The following GMNN variants were observed in gnomAD, a reference collection of about 807,000 sequenced individuals.
The protein encoded by GMNN is geminin DNA replication inhibitor, also known as geminin.
GMNN carries 14 observed loss-of-function variants against 20.9 expected under a neutral mutation model. The observed-to-expected ratio is 0.67, with a 90% CI of 0.44 to 1.05. The LOEUF (loss-of-function observed/expected upper bound fraction) is 1.05, where lower values mean the gene tolerates loss of function less well. Ranked by LOEUF, GMNN falls within the 50% of genes least tolerant of loss-of-function variation. The pLI is 0.00. For synonymous variants in GMNN, 81 were observed against 85.8 expected, an observed-to-expected ratio of 0.94 and a Z score of 0.31; for missense variants, 227 against 243.8, an observed-to-expected ratio of 0.93 and a Z score of 0.46.
rs769709120 is a variant in GMNN, at chr6:24,784,142, G to A, written c.330G>A (p.Leu110=). 6 of 1,526,140 alleles carry A rather than the reference G, an allele frequency of 3.9e-6. No homozygotes were observed. The highest frequency in any genetic ancestry group is 1.7e-5 in the Admixed American group (1 of 59,804). The allele number at this position is 1,526,140 out of a possible 1,614,324, so 94.5% of individuals were successfully genotyped here. A position where few individuals can be genotyped will look rare whatever the true frequency, so the allele number is the denominator to read the frequency against. The change falls in exon 5 of 7, where the codon CTG becomes CTA. Residue 110 remains leucine, a synonymous_variant. Coordinates refer to ENST00000230056, the MANE Select transcript of GMNN (RefSeq NM_015895.5). ...TGGCAGAAAAACGGAGAAAGGCGCT[G>A]TATGAAGCACTTAAGGAAAATGAGA... ...KEVAEKRRKA[L]YEALKENEKL...
At chr6:24,779,162 T>G (rs916731325) in intron 2 of GMNN, among the ~76,000 whole-genome samples, 1 of 152,188 alleles carries the variant, frequency 6.6e-6, no homozygotes, top group African/African-American at 2.4e-5. Flanking sequence ...TGAATTTTTT[T>G]GGGGAGAGGA....
chr6:24,780,892 G>A (rs1287249591), intron 3 of GMNN, 152 bp downstream of exon 3: 6 of 593,698 alleles, frequency 1.0e-5, no homozygotes, highest in African/African-American at 7.5e-5. Flanking sequence ...AAGTGATTTT[G>A]GTTTTAATTG....
chr6:24,779,588 G>A (rs1183687622), intron 2 of GMNN, among the ~76,000 whole-genome samples: 3 of 152,294 alleles, frequency 2.0e-5, no homozygotes, highest in South Asian at 4.1e-4. Flanking sequence ...ATAATCAGCA[G>A]TAGAAACTTT....
chr6:24,783,165 T>G (rs527376022), intron 4 of GMNN, among the ~76,000 whole-genome samples: 2 of 152,138 alleles, frequency 1.3e-5, no homozygotes, highest in African/African-American at 2.4e-5. Flanking sequence ...GTGGACATGT[T>G]GAAAGAACAC....
intron 2 of GMNN, among the ~76,000 whole-genome samples, chr6:24,779,657 C>A (rs1780153920): frequency 6.6e-6 from 1 of 152,200 alleles, no homozygotes; most frequent in African/African-American, 2.4e-5. Flanking sequence ...GTAACTTTCT[C>A]ACGCTGGTAT....
chr6:24,777,425 A>G, intron 2 of GMNN, 128 bp downstream of exon 2: 1 of 433,844 alleles, frequency 2.3e-6, no homozygotes, highest in Non-Finnish European at 4.1e-6. Context: ...AGGATGAGTA[A>G]CAATAGAGAA....
intron 2 of GMNN, 45 bp downstream of exon 2, chr6:24,777,342 G>A (rs1159112398): frequency 2.8e-6 from 2 of 710,640 alleles, no homozygotes; most frequent in Non-Finnish European, 2.3e-6. Flanking sequence ...GAAAGCATGG[G>A]GCTAAAAGTA....
In GMNN at chr6:24,785,336, G is replaced by A. The variant is rs575786068; in HGVS notation, c.469-302G>A. Among the ~76,000 whole-genome samples, 132 of 152,174 alleles carry A rather than the reference G, an allele frequency of 8.7e-4. 1 individual carries two copies. The highest frequency in any genetic ancestry group is 3.4e-3 in the Middle Eastern group (1 of 294). On this transcript the variant is annotated intron_variant, in intron 6 of 6. Coordinates refer to ENST00000230056, the MANE Select transcript of GMNN (RefSeq NM_015895.5). ...TAAAAGAATTAGTCCACAGCTGATTGGAAATGTAGAACACCTACTTGTCCT... is the reference window on the plus strand; with the variant it reads ...TAAAAGAATTAGTCCACAGCTGATTAGAAATGTAGAACACCTACTTGTCCT...
intron 3 of GMNN, 48 bp downstream of exon 3, chr6:24,780,788 A>G (rs772830325): frequency 5.8e-6 from 5 of 857,336 alleles, no homozygotes; most frequent in Admixed American, 3.6e-5. Flanking sequence ...CAGTGTCTAC[A>G]TCGAAAACAT....
intron 2 of GMNN, among the ~76,000 whole-genome samples, chr6:24,779,688 C>G (rs1780154881): frequency 6.6e-6 from 1 of 152,110 alleles, no homozygotes; most frequent in African/African-American, 2.4e-5. Flanking sequence ...TCTTGCTAAC[C>G]TTGTTTGAGT....
chr6:24,778,628 T>G (rs1780135344), intron 2 of GMNN, among the ~76,000 whole-genome samples: 1 of 150,204 alleles, frequency 6.7e-6, no homozygotes, highest in Admixed American at 6.6e-5. Context: ...ACAATATTTT[T>G]CTTGAATAAG....
chr6:24,782,050 A>G (rs1204689883), intron 4 of GMNN, among the ~76,000 whole-genome samples: 2 of 151,872 alleles, frequency 1.3e-5, no homozygotes, highest in African/African-American at 4.8e-5. Flanking sequence ...GCACCACTGC[A>G]CTCCAGCCTG....
At chr6:24,780,024 G>GT (rs1389454673) in intron 2 of GMNN, among the ~76,000 whole-genome samples, 1 of 152,154 alleles carries the variant, frequency 6.6e-6, no homozygotes, top group Non-Finnish European at 1.5e-5. Context: ...GTGAGTACAT[G>GT]TAAGTATTTG....
In GMNN at chr6:24,781,372, A is replaced by G. The variant is rs983356433; in HGVS notation, c.130-105A>G. Reference sequence around the variant, plus strand: ...TTTTTTAAAGATCCAGAGATGTGAAAAAGTTAGATATGCGTACTCTTTTTT... The same window carrying G: ...TTTTTTAAAGATCCAGAGATGTGAAGAAGTTAGATATGCGTACTCTTTTTT... On this transcript the variant is annotated intron_variant, in intron 3 of 6. Coordinates refer to ENST00000230056, the MANE Select transcript of GMNN (RefSeq NM_015895.5). The G allele has an allele frequency of 1.8e-4, 109 of 614,654 alleles. 1 individual carries two copies. The highest frequency in any genetic ancestry group is 3.6e-5 in the Non-Finnish European group (13 of 359,018). The allele number at this position is 614,654 out of a possible 1,614,324, so 38.1% of individuals were successfully genotyped here.
At chr6:24,784,230 C>A in intron 5 of GMNN, 61 bp downstream of exon 5, 3 of 915,578 alleles carry the variant, frequency 3.3e-6, no homozygotes, top group Non-Finnish European at 5.4e-6. Flanking sequence ...TGCTGCTTAG[C>A]ATATTTTATT....
chr6:24,780,019 T>C (rs1780164606), intron 2 of GMNN, among the ~76,000 whole-genome samples: 1 of 152,182 alleles, frequency 6.6e-6, no homozygotes, highest in Non-Finnish European at 1.5e-5. Flanking sequence ...TTTTGGTGAG[T>C]ACATGTAAGT....
chr6:24,783,051 C>T (rs1382855219), intron 4 of GMNN, among the ~76,000 whole-genome samples: 1 of 152,168 alleles, frequency 6.6e-6, no homozygotes, highest in Non-Finnish European at 1.5e-5. Flanking sequence ...CTATTCTTCA[C>T]TAAAGTTCCA....
At position 24,781,535 on chromosome 6, in the gene GMNN, C is replaced by T; in HGVS notation, c.188C>T (p.Ser63Phe). 1 of 1,587,312 alleles carries T rather than the reference C, an allele frequency of 6.3e-7. No homozygotes were observed. Among genetic ancestry groups the T allele is most frequent in the African/African-American group, 1.4e-5 (1 of 73,842 alleles). The stretch of plus-strand genomic sequence containing the variant: ...AATGACCACTTAACATCTACAACTT[C>T]CAGCCCTGGGGTTATTGTCCCAGAA... ...HRNDHLTSTT[S>F]SPGVIVPESS... The change falls in exon 4 of 7, where the codon TCC (serine) becomes TTC (phenylalanine). Residue 63 changes from serine (S) to phenylalanine (F), a missense_variant. By Grantham distance (155) the Ser-to-Phe change is radical. Transcript: ENST00000230056.
intron 3 of GMNN, 66 bp from the exon 4 acceptor site, chr6:24,781,411 A>G: frequency 1.8e-6 from 2 of 1,093,350 alleles, no homozygotes; most frequent in Admixed American, 4.0e-5. Flanking sequence ...TACATAAATG[A>G]AAAACCACCT....
Sources: gnomAD v4.1 joint callset for allele counts (sites outside exome capture counted in the v4.1 genomes callset) on GRCh38, gnomAD v4.1.1 for gene constraint, MANE v1.5 for transcripts, NCBI Gene and HGNC (gene_info 2026-07-23, HGNC 2026-07-21) for gene names.